Variants in WBP4 observed in about 807,000 individuals in gnomAD.
WBP4 encodes WW domain binding protein 4, also known as WW domain-binding protein 4.
WBP4 carries 37 observed loss-of-function variants against 55.4 expected under a neutral mutation model. That is an observed-to-expected ratio of 0.67 (90% CI 0.51 to 0.88). The LOEUF (loss-of-function observed/expected upper bound fraction) is 0.88, where lower values mean the gene tolerates loss of function less well. WBP4 is among the 40% of genes least tolerant of loss of function. The pLI, the probability that WBP4 is intolerant of heterozygous loss-of-function variation, is 0.00. For missense variants in WBP4, 398 were observed against 420.8 expected, an observed-to-expected ratio of 0.95 and a Z score of 0.47; for synonymous variants, 142 against 140.2, an observed-to-expected ratio of 1.01 and a Z score of -0.09.
In WBP4 at chr13:41,061,590, G is replaced by T; in HGVS notation, c.-84G>T. On this transcript the variant is annotated 5_prime_UTR_variant, in exon 1 of 10. Transcript: ENST00000379487. ...AGGGAGGTTCGGGTGGGCATCGGGCGGCTGGAAGAGCTCGACTCGTCCCGC... is the reference window on the plus strand; with the variant it reads ...AGGGAGGTTCGGGTGGGCATCGGGCTGCTGGAAGAGCTCGACTCGTCCCGC... 4.4e-6 allele frequency: 7 copies of T among 1,608,878 alleles called. No individual in the cohort carries two copies. Among genetic ancestry groups the T allele is most frequent in the Admixed American group, 1.7e-5 (1 of 59,914 alleles).
At position 41,080,781 on chromosome 13, in the gene WBP4, C is replaced by T. The variant is rs1878738164; in HGVS notation, c.892C>T (p.Gln298Ter). 2.5e-6 allele frequency: 4 copies of T among 1,606,372 alleles called. No homozygotes were observed. The highest frequency in any genetic ancestry group is 3.4e-6 in the Non-Finnish European group (4 of 1,178,348). ...LKKSNPYGEW[Q>*]EIKQEVESHE... The stretch of plus-strand genomic sequence containing the variant: ...GAAATCAAACCCATATGGAGAATGG[C>T]AAGAAATTAAACAAGAGGTTGAGTC... The change falls in exon 9 of 10, where the codon CAA (glutamine) becomes TAA (stop). Residue 298 changes from glutamine to a stop codon, truncating the protein, a stop_gained. Coordinates refer to ENST00000379487, the MANE Select transcript of WBP4 (RefSeq NM_007187.5). LOFTEE classifies it high-confidence loss of function.
intron 4 of WBP4, among the ~76,000 whole-genome samples, chr13:41,068,149 T>A (rs1178355713): frequency 6.6e-6 from 1 of 152,184 alleles, no homozygotes; most frequent in East Asian, 1.9e-4. Flanking sequence ...ATTGCCCAAA[T>A]AGTGAACGTT....
At chr13:41,077,498 AAAAG>A (rs1878553576) in intron 8 of WBP4, among the ~76,000 whole-genome samples, 1 of 152,298 alleles carries the variant, frequency 6.6e-6, no homozygotes, top group South Asian at 2.1e-4. Flanking sequence ...TCTCAAAAAA[AAAAG>A]AAGAGCCATG....
rs769262436 is a variant in WBP4, at chr13:41,068,638, AAAGAAAAG to A, written c.351_358del (p.Lys120SerfsTer13). The A allele has an allele frequency of 3.5e-5, 57 of 1,613,114 alleles. No individual in the cohort carries two copies. The highest frequency in any genetic ancestry group is 5.5e-5 in the South Asian group (5 of 90,770). ...GACATCAAATCAACAGAAAGAAAAG[AAAGAAAAG>A]AAGAAAAGAAAAAAAGATCCTTCAA... On this transcript the variant is annotated frameshift_variant, in exon 5 of 10. Coordinates refer to ENST00000379487, the MANE Select transcript of WBP4 (RefSeq NM_007187.5). LOFTEE classifies it high-confidence loss of function.
chr13:41,071,888 A>G (rs1219951163), intron 6 of WBP4, among the ~76,000 whole-genome samples: 1 of 151,984 alleles, frequency 6.6e-6, no homozygotes, highest in Non-Finnish European at 1.5e-5. Context: ...TAAAAACTAC[A>G]AAAAAATTAG....
At position 41,072,805 on chromosome 13, in the gene WBP4, A is replaced by T; in HGVS notation, c.510A>T (p.Val170=). ...LKKTAVKTVW[V]EGLSEDGFTY... The stretch of plus-strand genomic sequence containing the variant: ...AGACAGCAGTGAAGACCGTTTGGGT[A>T]GAAGGTTTAAGTGAAGATGGTTTTA... Residue 170 remains valine (V), a synonymous_variant, in exon 7 of 10, where the codon GTA becomes GTT. Coordinates refer to ENST00000379487, the MANE Select transcript of WBP4 (RefSeq NM_007187.5). The T allele has an allele frequency of 6.2e-7, 1 of 1,613,748 alleles. No individual in the cohort carries two copies. Among genetic ancestry groups the T allele is most frequent in the Non-Finnish European group, 8.5e-7 (1 of 1,179,796 alleles).
In WBP4 at chr13:41,083,866, C is replaced by T. The variant is rs1037186187; in HGVS notation, c.*952C>T. On this transcript the variant is annotated 3_prime_UTR_variant, in exon 10 of 10. Transcript: ENST00000379487. ...TCTTCTTTAATCCGTTTAGTAGTTA[C>T]CTCCCTTTTACTTTTCAAATTCACA... is the stretch of plus-strand genomic sequence containing the variant. The T allele has an allele frequency of 2.6e-5, 4 of 152,064 alleles. No individual in the cohort carries two copies. Among genetic ancestry groups the T allele is most frequent in the Non-Finnish European group, 5.9e-5 (4 of 68,006 alleles). 9.4% of individuals were successfully genotyped at this position (152,064 alleles called of 1,614,324 possible).
In WBP4 at chr13:41,062,629, G is replaced by A; in HGVS notation, c.3-15G>A. 1.2e-6 allele frequency: 2 copies of A among 1,611,926 alleles called. No homozygotes were observed. Among genetic ancestry groups the A allele is most frequent in the Non-Finnish European group, 1.7e-6 (2 of 1,179,092 alleles). On this transcript the variant is annotated splice_polypyrimidine_tract_variant and intron_variant, in intron 1 of 9. Coordinates refer to ENST00000379487, the MANE Select transcript of WBP4 (RefSeq NM_007187.5). ...AGTTTTACATGAGCTTAGCCTTGTT[G>A]TCTCTCTTTTTCAGGGCGGACTACT...
At chr13:41,064,993 T>A in intron 2 of WBP4, 23 bp from the exon 3 acceptor site, 4 of 1,540,014 alleles carry the variant, frequency 2.6e-6, no homozygotes, top group Non-Finnish European at 3.5e-6. Flanking sequence ...TTTCTTTTGT[T>A]ATTTTCTCTT....
At chr13:41,062,167 T>C in intron 1 of WBP4, 3 of 982,020 alleles carry the variant, frequency 3.1e-6, no homozygotes, top group Non-Finnish European at 3.6e-6. Context: ...AGTTCTCTCT[T>C]GCCTTGAGGC....
intron 9 of WBP4, among the ~76,000 whole-genome samples, chr13:41,081,944 A>C (rs1162859259): frequency 6.6e-6 from 1 of 152,240 alleles, no homozygotes; most frequent in Non-Finnish European, 1.5e-5. Flanking sequence ...TCCATTTTCC[A>C]GAGTCTCATA....
chr13:41,078,417 C>G (rs1361048837), intron 8 of WBP4, among the ~76,000 whole-genome samples: 1 of 152,120 alleles, frequency 6.6e-6, no homozygotes, highest in Admixed American at 6.6e-5. Flanking sequence ...AATAAATGAT[C>G]CTGGGAAAAC....
Position 41,071,462 on chromosome 13 carries a change from A to G in WBP4, c.440-65A>G, listed in dbSNP as rs544786517. 1,127 of 1,471,688 alleles carry G rather than the reference A, an allele frequency of 7.7e-4. 8 individuals carry two copies. In the African/African-American group the frequency reaches 0.014, roughly 18 times the overall value. The allele number at this position is 1,471,688 out of a possible 1,614,324, so 91.2% of individuals were successfully genotyped here. ...ACATAATGACTGTAAATTTTGTCCA[A>G]ATTTTTTGGAAAGTATTTTTTTAAA... On this transcript the variant is annotated intron_variant, in intron 5 of 9. Transcript: ENST00000379487.
chr13:41,062,864 C>G (rs895792026), intron 2 of WBP4, 148 bp downstream of exon 2: 2 of 570,784 alleles, frequency 3.5e-6, no homozygotes, highest in Admixed American at 3.6e-5. Context: ...TCTCAGTCCC[C>G]TATGAAAGCT....
Position 41,071,564 on chromosome 13 carries a change from C to T in WBP4, c.477C>T (p.Asp159=). ...QWEKPEGFQG[D]LKKTAVKTVW... ...AGAAACCTGAAGGATTTCAAGGAGA[C>T]TTAAAAAAGGTAATTGAAGCATATT... is the stretch of plus-strand genomic sequence containing the variant. The change falls in exon 6 of 10, where the codon GAC becomes GAT. Residue 159 remains aspartate (D), a synonymous_variant. Coordinates refer to ENST00000379487, the MANE Select transcript of WBP4 (RefSeq NM_007187.5). 2 of 1,607,902 alleles carry T rather than the reference C, an allele frequency of 1.2e-6. No homozygotes were observed. Among genetic ancestry groups the T allele is most frequent in the Admixed American group, 3.4e-5 (2 of 59,282 alleles).
Position 41,065,290 on chromosome 13 carries a change from A to T in WBP4, c.262+3A>T, listed in dbSNP as rs766991034. 2.8e-5 allele frequency: 4 copies of T among 145,274 alleles called. No homozygotes were observed. Among genetic ancestry groups the T allele is most frequent in the South Asian group, 1.6e-4 (1 of 6,332 alleles). 9.0% of individuals were successfully genotyped at this position (145,274 alleles called of 1,614,324 possible). On this transcript the variant is annotated splice_donor_region_variant and intron_variant, in intron 4 of 9. Coordinates refer to ENST00000379487, the MANE Select transcript of WBP4 (RefSeq NM_007187.5). Reference sequence around the variant, plus strand: ...GAAAAGACTTGGCTTAGAGTCAGGTAAAAAAAAAAAAAAAAAAAAAGCAGC... The same window carrying T: ...GAAAAGACTTGGCTTAGAGTCAGGTTAAAAAAAAAAAAAAAAAAAAGCAGC...
At chr13:41,069,299 G>A (rs1003949515) in intron 5 of WBP4, among the ~76,000 whole-genome samples, 3 of 152,124 alleles carry the variant, frequency 2.0e-5, no homozygotes, top group Non-Finnish European at 4.4e-5. Context: ...GGGCCGAGGA[G>A]GGTAGATCAC....
intron 1 of WBP4, chr13:41,062,089 C>T: frequency 2.9e-6 from 2 of 695,902 alleles, no homozygotes; most frequent in Middle Eastern, 7.7e-4. Flanking sequence ...CCCTGGATAG[C>T]GTAATGGTTT....
intron 7 of WBP4, among the ~76,000 whole-genome samples, chr13:41,073,730 C>A (rs972204915): frequency 6.6e-6 from 1 of 151,872 alleles, no homozygotes; most frequent in South Asian, 2.1e-4. Context: ...TCACTTGAAC[C>A]CAGGAGGTAG....
Sources: gnomAD v4.1 joint callset for allele counts (sites outside exome capture counted in the v4.1 genomes callset) on GRCh38, gnomAD v4.1.1 for gene constraint, MANE v1.5 for transcripts, NCBI Gene and HGNC (gene_info 2026-07-23, HGNC 2026-07-21) for gene names.